The following DENND5B variants were observed in gnomAD, a reference collection of about 807,000 sequenced individuals.
DENND5B encodes DENN domain containing 5B.
DENND5B carries 34 observed loss-of-function variants against 140.6 expected under a neutral mutation model. That is an observed-to-expected ratio of 0.24 (90% confidence interval 0.18 to 0.32). The LOEUF is 0.32. Ranked by LOEUF, DENND5B falls within the 10% of genes least tolerant of loss-of-function variation. DENND5B has a pLI of 1.00. For missense variants in DENND5B, 1,142 were observed against 1,560.2 expected, an observed-to-expected ratio of 0.73 and a Z score of 4.52; for synonymous variants, 551 against 562.1, an observed-to-expected ratio of 0.98 and a Z score of 0.28.
chr12:31,460,720 C>T (rs1944976734), intron 3 of DENND5B, among the ~76,000 whole-genome samples: 1 of 152,142 alleles, frequency 6.6e-6, no homozygotes, highest in South Asian at 2.1e-4. Context: ...GTACAAGATA[C>T]AGTGTAACAT....
intron 1 of DENND5B, among the ~76,000 whole-genome samples, chr12:31,508,392 T>C (rs1947283792): frequency 6.6e-6 from 1 of 152,202 alleles, no homozygotes; most frequent in Non-Finnish European, 1.5e-5. Context: ...CAAAGTTCTC[T>C]AAAAGAAAGA....
chr12:31,413,458 G>A lies in DENND5B; in HGVS notation c.2659C>T (p.Leu887Phe). The change falls in exon 13 of 21, where the codon CTT becomes TTT. Residue 887 changes from leucine (L) to phenylalanine (F), a missense_variant. Leu to Phe is a conservative substitution (Grantham distance 22, BLOSUM62 0). Transcript: ENST00000389082. The part of the protein sequence containing the change: ...KLLSQHLKQL[L>F]SNQPLTKKLY... ...TACTTGGTGAGTGGTTGGTTAGAAAGCAACTGCTTAAGATGCTGGGACAAG... is the reference window on the plus strand; with the variant it reads ...TACTTGGTGAGTGGTTGGTTAGAAAACAACTGCTTAAGATGCTGGGACAAG... 6.2e-7 allele frequency: 1 copy of A among 1,613,544 alleles called. No individual in the cohort carries two copies.
At chr12:31,545,942 C>T (rs1948839153) in intron 1 of DENND5B, among the ~76,000 whole-genome samples, 1 of 44,660 alleles carries the variant, frequency 2.2e-5, no homozygotes, top group Non-Finnish European at 3.6e-5. Context: ...GAGAGTAAGA[C>T]ACTGTCTCAA....
In DENND5B at chr12:31,590,708, G is replaced by T. The variant is rs1341071785; in HGVS notation, c.125C>A (p.Ala42Glu). The T allele has an allele frequency of 6.8e-7, 1 of 1,474,390 alleles. No homozygotes were observed. The highest frequency in any genetic ancestry group is 8.9e-7 in the Non-Finnish European group (1 of 1,118,808). The allele number at this position is 1,474,390 out of a possible 1,614,324, so 91.3% of individuals were successfully genotyped here. A position where few individuals can be genotyped will look rare whatever the true frequency, so the allele number is the denominator to read the frequency against. The change falls in exon 1 of 21, where the codon GCG (alanine) becomes GAG (glutamate). Residue 42 changes from alanine (A) to glutamate (E), a missense_variant and splice_region_variant. By Grantham distance (107) the Ala-to-Glu change is moderately radical. This residue lies in a region of DENND5B where 708 missense variants were observed against 905.5 expected (regional missense o/e 0.78). Coordinates refer to ENST00000389082, the MANE Select transcript of DENND5B (RefSeq NM_144973.4). Reference sequence around the variant, plus strand: ...CGCCGCCGCAGCCCTGGCCTTACCCGCCAGCTCGTCAGGCTCCAGCCCGCT... The same window carrying T: ...CGCCGCCGCAGCCCTGGCCTTACCCTCCAGCTCGTCAGGCTCCAGCCCGCT... The part of the protein sequence containing the change: ...ADSGLEPDEL[A>E]GENFDQSPLR...
chr12:31,401,335 G>T (rs1238702128), intron 15 of DENND5B, among the ~76,000 whole-genome samples: 1 of 152,154 alleles, frequency 6.6e-6, no homozygotes, highest in Non-Finnish European at 1.5e-5. Flanking sequence ...GTTAGATGAA[G>T]AAAAGCCAAG....
chr12:31,560,830 C>T (rs1203745326), intron 1 of DENND5B, among the ~76,000 whole-genome samples: 1 of 152,186 alleles, frequency 6.6e-6, no homozygotes, highest in East Asian at 1.9e-4. Context: ...CAAATATCTA[C>T]TTGGCTAACT....
chr12:31,421,937 T>C (rs1943043110), intron 11 of DENND5B, among the ~76,000 whole-genome samples: 4 of 152,082 alleles, frequency 2.6e-5, no homozygotes, highest in Admixed American at 2.6e-4. Flanking sequence ...TCTTTATAAA[T>C]ATAGTTACAG....
At chr12:31,554,887 G>A (rs544160883) in intron 1 of DENND5B, among the ~76,000 whole-genome samples, 8 of 152,266 alleles carry the variant, frequency 5.3e-5, no homozygotes, top group South Asian at 4.2e-4. Flanking sequence ...CGTAGCTCTC[G>A]TGCCTTGGTT....
At chr12:31,400,057 C>T (rs1221703652) in intron 15 of DENND5B, among the ~76,000 whole-genome samples, 6 of 152,196 alleles carry the variant, frequency 3.9e-5, no homozygotes, top group African/African-American at 1.2e-4. Flanking sequence ...GGGGAAGGAA[C>T]AGTTACTTCT....
At chr12:31,404,244 T>C (rs971204301) in intron 14 of DENND5B, among the ~76,000 whole-genome samples, 2 of 152,236 alleles carry the variant, frequency 1.3e-5, no homozygotes, top group Admixed American at 6.5e-5. Context: ...AGGGGGCAGA[T>C]GGTTTAAGCA....
chr12:31,533,490 T>C (rs1435788532), intron 1 of DENND5B, among the ~76,000 whole-genome samples: 1 of 152,222 alleles, frequency 6.6e-6, no homozygotes, highest in African/African-American at 2.4e-5. Context: ...CTCAATATAA[T>C]AATCATCCCC....
intron 1 of DENND5B, among the ~76,000 whole-genome samples, chr12:31,512,578 G>C (rs1319939967): frequency 1.3e-5 from 2 of 151,694 alleles, no homozygotes; most frequent in Non-Finnish European, 2.9e-5. Context: ...GTGTTGGTTT[G>C]TAAATTAAAA....
rs1940787720 is a variant in DENND5B at position 31,384,968 on chromosome 12, G to T, written c.*2635C>A. ...ATTTTTTTTTTTTAGTAGAGACGGG[G>T]TTTCACCATGTTGGCCAGTCTGGTC... On this transcript the variant is annotated 3_prime_UTR_variant, in exon 21 of 21. Transcript: ENST00000389082. The T allele has an allele frequency of 6.6e-6, 1 of 151,420 alleles. No homozygotes were observed. Among genetic ancestry groups the T allele is most frequent in the Non-Finnish European group, 1.5e-5 (1 of 67,890 alleles). 9.4% of individuals were successfully genotyped at this position (151,420 alleles called of 1,614,324 possible). A position where few individuals can be genotyped will look rare whatever the true frequency, so the allele number is the denominator to read the frequency against.
chr12:31,483,059 C>G (rs899274970), intron 2 of DENND5B, among the ~76,000 whole-genome samples: 1 of 152,230 alleles, frequency 6.6e-6, no homozygotes, highest in Non-Finnish European at 1.5e-5. Flanking sequence ...GTGCTCCCAT[C>G]AAAATCTGCT....
At chr12:31,393,824 A>G (rs1232830037) in intron 17 of DENND5B, among the ~76,000 whole-genome samples, 1 of 152,070 alleles carries the variant, frequency 6.6e-6, no homozygotes, top group Non-Finnish European at 1.5e-5. Context: ...TGTAGCTGGG[A>G]CTACAGGTGC....
At chr12:31,530,144 G>A (rs889293786) in intron 1 of DENND5B, among the ~76,000 whole-genome samples, 1 of 152,072 alleles carries the variant, frequency 6.6e-6, no homozygotes, top group Non-Finnish European at 1.5e-5. Context: ...AGGCAGCGGC[G>A]GGCAGATCAC....
At chr12:31,505,130 A>T (rs930970806) in intron 1 of DENND5B, among the ~76,000 whole-genome samples, 1 of 152,100 alleles carries the variant, frequency 6.6e-6, no homozygotes, top group African/African-American at 2.4e-5. Flanking sequence ...CTTTCTGACT[A>T]TAATACTAAC....
At chr12:31,503,794 T>C (rs900368274) in intron 1 of DENND5B, among the ~76,000 whole-genome samples, 2 of 152,242 alleles carry the variant, frequency 1.3e-5, no homozygotes, top group Admixed American at 6.5e-5. Flanking sequence ...TTTGATTTCA[T>C]GTCTCACTGA....
chr12:31,403,897 CA>C (rs751708684), intron 14 of DENND5B, among the ~76,000 whole-genome samples: 47 of 36,398 alleles, frequency 1.3e-3, no homozygotes, highest in East Asian at 3.7e-3. Flanking sequence ...ACTCCATCTC[CA>C]AAAAAAAAAA....
Sources: allele counts gnomAD v4.1 joint callset (sites outside exome capture counted in the v4.1 genomes callset), GRCh38; gene constraint gnomAD v4.1.1; regional missense constraint gnomAD v4.1.1; transcripts MANE v1.5; gene names NCBI Gene and HGNC (gene_info 2026-07-23, HGNC 2026-07-21).